The following KCNJ6 variants were observed in gnomAD, a reference collection of about 807,000 sequenced individuals.
KCNJ6 encodes G protein-activated inward rectifier potassium channel 2.
KCNJ6 carries 9 observed loss-of-function variants against 34.2 expected under a neutral mutation model. That is an observed-to-expected ratio of 0.26 (90% CI 0.16 to 0.46). The LOEUF (loss-of-function observed/expected upper bound fraction) is 0.46. Ranked by LOEUF, KCNJ6 falls within the 20% of genes least tolerant of loss-of-function variation. The pLI is 1.00. For missense variants in KCNJ6, 236 were observed against 531.3 expected (o/e 0.44, Z 5.46); for synonymous variants, 196 against 207.1 (o/e 0.95, Z 0.46).
At chr21:37,789,488 G>C (rs778869159) in intron 2 of KCNJ6, among the ~76,000 whole-genome samples, 3 of 152,318 alleles carry the variant, frequency 2.0e-5, no homozygotes, top group Non-Finnish European at 4.4e-5. Flanking sequence ...CCATGATCTT[G>C]GACTTCCAGC....
chr21:37,906,062 A>G (rs960515944), intron 1 of KCNJ6, among the ~76,000 whole-genome samples: 3 of 152,342 alleles, frequency 2.0e-5, no homozygotes, highest in African/African-American at 2.4e-5. Context: ...TATTTAAAGG[A>G]TAATAAATGA....
intron 1 of KCNJ6, among the ~76,000 whole-genome samples, chr21:37,862,597 T>C (rs1346775622): frequency 6.6e-6 from 1 of 152,234 alleles, no homozygotes; most frequent in African/African-American, 2.4e-5. Context: ...AGCCACCTGG[T>C]AAATTTGTAT....
chr21:37,671,531 C>A (rs890722737), intron 3 of KCNJ6, among the ~76,000 whole-genome samples: 4 of 152,218 alleles, frequency 2.6e-5, no homozygotes, highest in Non-Finnish European at 4.4e-5. Context: ...GAACTGCTTT[C>A]GCAAATTAAT....
chr21:37,860,650 G>A (rs1360613965), intron 1 of KCNJ6, among the ~76,000 whole-genome samples: 8 of 152,066 alleles, frequency 5.3e-5, no homozygotes, highest in Non-Finnish European at 1.0e-4. Flanking sequence ...TGCAGTCTTT[G>A]ACTTTCTTGC....
At chr21:37,730,512 A>C (rs545585830) in intron 2 of KCNJ6, among the ~76,000 whole-genome samples, 1 of 152,280 alleles carries the variant, frequency 6.6e-6, no homozygotes, top group Non-Finnish European at 1.5e-5. Flanking sequence ...CACAGCAGCC[A>C]TTGAACAAAT....
intron 2 of KCNJ6, chr21:37,719,243 C>G: frequency 6.5e-6 from 1 of 153,310 alleles, no homozygotes; most frequent in Non-Finnish European, 1.5e-5. Context: ...GAGCAGGGAG[C>G]GGCGGCTCAG....
rs1490658151 is a variant in KCNJ6, at chr21:37,621,723, G to GA, written c.*3435dup. On this transcript the variant is annotated 3_prime_UTR_variant, in exon 4 of 4. Transcript: ENST00000609713. Reference sequence around the variant, plus strand: ...ATAGAATTGGAACTGGAGAACCAGGGAAACAGCAAAGGATGGGGATAGATG... The same window carrying GA: ...ATAGAATTGGAACTGGAGAACCAGGGAAAACAGCAAAGGATGGGGATAGATG... 1 of 152,248 alleles carries GA rather than the reference G, an allele frequency of 6.6e-6. No homozygotes were observed. The highest frequency in any genetic ancestry group is 2.4e-5 in the African/African-American group (1 of 41,446). 9.4% of individuals were successfully genotyped at this position (152,248 alleles called of 1,614,324 possible).
At chr21:37,694,683 C>A (rs562005403) in intron 3 of KCNJ6, among the ~76,000 whole-genome samples, 2 of 152,132 alleles carry the variant, frequency 1.3e-5, no homozygotes, top group African/African-American at 4.8e-5. Flanking sequence ...AAGTACTTTG[C>A]GTAATGTCAT....
At chr21:37,886,870 C>T (rs1405275250) in intron 1 of KCNJ6, among the ~76,000 whole-genome samples, 1 of 151,934 alleles carries the variant, frequency 6.6e-6, no homozygotes, top group Non-Finnish European at 1.5e-5. Flanking sequence ...AGAAAGCCCT[C>T]AGGGAATGTT....
At chr21:37,645,515 C>T (rs1470808319) in intron 3 of KCNJ6, among the ~76,000 whole-genome samples, 2 of 152,148 alleles carry the variant, frequency 1.3e-5, no homozygotes, top group East Asian at 1.9e-4. Context: ...TGAAGGCAGT[C>T]TTAAATTGAA....
At chr21:37,864,871 CTTTTTT>C (rs67735635) in intron 1 of KCNJ6, among the ~76,000 whole-genome samples, 32 of 142,798 alleles carry the variant, frequency 2.2e-4, no homozygotes, top group African/African-American at 8.0e-4. Context: ...GTCTCTCTCT[CTTTTTT>C]TTTTTTTTTT....
At chr21:37,755,787 T>C (rs1485055873) in intron 2 of KCNJ6, among the ~76,000 whole-genome samples, 1 of 152,016 alleles carries the variant, frequency 6.6e-6, no homozygotes, top group African/African-American at 2.4e-5. Context: ...GATACGAGGG[T>C]GCGGTACAGG....
chr21:37,860,461 G>A lies in KCNJ6; in HGVS notation c.-27-19752C>T. 1.3e-5 allele frequency among the ~76,000 whole-genome samples: 2 copies of A among 152,178 alleles called. 1 individual carries two copies. The highest frequency in any genetic ancestry group is 3.9e-4 in the East Asian group (2 of 5,188). ...GCCTCCTGTGGTCTGTTCCCTATAT[G>A]GCAGCCAGAGCCATCACTGGCTTCG... is the stretch of plus-strand genomic sequence containing the variant. On this transcript the variant is annotated intron_variant, in intron 1 of 3. Transcript: ENST00000609713.
chr21:37,731,630 C>G (rs2054885987), intron 2 of KCNJ6, among the ~76,000 whole-genome samples: 2 of 152,154 alleles, frequency 1.3e-5, no homozygotes, highest in Non-Finnish European at 2.9e-5. Flanking sequence ...TGGGTGATTG[C>G]TCTAAGTCTA....
rs550901827 is a variant in KCNJ6, at chr21:37,717,788, T to C, written c.26-2657A>G. On this transcript the variant is annotated intron_variant, in intron 2 of 3. Coordinates refer to ENST00000609713, the MANE Select transcript of KCNJ6 (RefSeq NM_002240.5). ...GCTCTTGTCTTTCTGAGTCCTTAAG[T>C]GGGAGAAGAGGGTTTGTCAAATTAG... Among the ~76,000 whole-genome samples the C allele has an allele frequency of 1.6e-4, 25 of 152,298 alleles. No homozygotes were observed. In the East Asian group the frequency reaches 4.4e-3, roughly 27 times the overall value.
intron 2 of KCNJ6, among the ~76,000 whole-genome samples, chr21:37,819,524 C>T (rs953793577): frequency 2.6e-5 from 4 of 152,118 alleles, no homozygotes; most frequent in Non-Finnish European, 5.9e-5. Context: ...TTCCCAGAAC[C>T]TTATATCCTC....
intron 3 of KCNJ6, among the ~76,000 whole-genome samples, chr21:37,663,131 C>T (rs2054497695): frequency 6.6e-6 from 1 of 152,056 alleles, no homozygotes; most frequent in African/African-American, 2.4e-5. Flanking sequence ...GAAAAGGATA[C>T]TCTAAAACTC....
At chr21:37,723,556 G>A (rs1481016546) in intron 2 of KCNJ6, among the ~76,000 whole-genome samples, 1 of 152,188 alleles carries the variant, frequency 6.6e-6, no homozygotes, top group African/African-American at 2.4e-5. Context: ...TAAAGAAAAT[G>A]TGGTACAATA....
intron 2 of KCNJ6, among the ~76,000 whole-genome samples, chr21:37,761,296 G>C (rs1178026379): frequency 2.1e-5 from 3 of 145,976 alleles, no homozygotes; most frequent in Non-Finnish European, 4.5e-5. Context: ...GTGTAGAGTG[G>C]TGTCTGTGTA....
Sources: allele counts gnomAD v4.1 joint callset (sites outside exome capture counted in the v4.1 genomes callset), GRCh38; gene constraint gnomAD v4.1.1; transcripts MANE v1.5; gene names NCBI Gene and HGNC (gene_info 2026-07-23, HGNC 2026-07-21).